Variants in ATAD2B observed in about 807,000 individuals in gnomAD.
ATAD2B encodes ATPase family AAA domain containing 2B, also known as ATPase family AAA domain-containing protein 2B.
In ATAD2B, 40 loss-of-function variants were observed where a neutral mutation model predicts 167.6. That is an observed-to-expected ratio of 0.24 (90% CI 0.19 to 0.31). The LOEUF is 0.31. Among genes scored for constraint, ATAD2B ranks in the 10% least tolerant of loss-of-function variants. The pLI is 1.00. For synonymous variants in ATAD2B, 579 were observed against 596.5 expected (o/e 0.97, Z 0.43); for missense variants, 1,242 against 1,757.2 (o/e 0.71, Z 5.24).
At chr2:23,805,820 C>T (rs1197592794) in intron 18 of ATAD2B, among the ~76,000 whole-genome samples, 1 of 89,558 alleles carries the variant, frequency 1.1e-5, no homozygotes, top group Non-Finnish European at 2.3e-5. Context: ...AAATCTGATA[C>T]TTTATTTTCA....
intron 22 of ATAD2B, among the ~76,000 whole-genome samples, chr2:23,782,118 A>G (rs2149388108): frequency 6.6e-6 from 1 of 152,294 alleles, no homozygotes; most frequent in Admixed American, 6.5e-5. Flanking sequence ...CACCCAGCCA[A>G]CTTCTGTTTC....
chr2:23,777,226 A>G (rs748337261), intron 22 of ATAD2B, among the ~76,000 whole-genome samples: 5 of 152,208 alleles, frequency 3.3e-5, no homozygotes, highest in Non-Finnish European at 7.3e-5. Flanking sequence ...TAGAACTGTG[A>G]GAAAATTAAT....
At chr2:23,768,915 G>A (rs1338879657) in intron 22 of ATAD2B, among the ~76,000 whole-genome samples, 2 of 152,140 alleles carry the variant, frequency 1.3e-5, no homozygotes, top group African/African-American at 4.8e-5. Context: ...ACATGCTGGT[G>A]GACATTAGTG....
chr2:23,693,393 G>C, the ATAD2B span: 2 of 1,551,758 alleles, frequency 1.3e-6, no homozygotes, highest in Non-Finnish European at 8.7e-7. Flanking sequence ...TGGCCGCCCA[G>C]GAGGAGATCC....
chr2:23,766,940 G>A (rs958113532), intron 22 of ATAD2B, among the ~76,000 whole-genome samples: 9 of 149,582 alleles, frequency 6.0e-5, no homozygotes, highest in African/African-American at 1.7e-4. Context: ...AAAACAACTA[G>A]TGCAGGTTCA....
chr2:23,811,886 A>C (rs1172523958), intron 17 of ATAD2B, among the ~76,000 whole-genome samples: 3 of 152,018 alleles, frequency 2.0e-5, no homozygotes, highest in Non-Finnish European at 4.4e-5. Context: ...ACTTCTTCCA[A>C]CACAAATTTT....
At chr2:23,793,830 C>T (rs1001781615) in intron 19 of ATAD2B, among the ~76,000 whole-genome samples, 2 of 151,974 alleles carry the variant, frequency 1.3e-5, no homozygotes, top group African/African-American at 4.8e-5. Flanking sequence ...GGTCTCAGGA[C>T]CCCAAAAAAG....
At chr2:23,872,399 C>T in intron 8 of ATAD2B, 1 of 698,406 alleles carries the variant, frequency 1.4e-6, no homozygotes, top group Admixed American at 1.8e-5. Context: ...TCCATGACAG[C>T]CTCTTCAGAG....
At chr2:23,742,447 C>G in the ATAD2B span, among the ~76,000 whole-genome samples, 117 of 151,062 alleles carry the variant, frequency 7.7e-4, 1 homozygote, top group African/African-American at 2.8e-3. Flanking sequence ...AGCAAACCAT[C>G]GCAAGGACAA....
chr2:23,730,360 A>T, the ATAD2B span, among the ~76,000 whole-genome samples: 1 of 152,178 alleles, frequency 6.6e-6, no homozygotes, highest in Non-Finnish European at 1.5e-5. Flanking sequence ...TCTGAACAGA[A>T]TGAAAATGAA....
intron 1 of ATAD2B, among the ~76,000 whole-genome samples, chr2:23,923,434 T>C (rs1006856764): frequency 6.6e-6 from 1 of 152,190 alleles, no homozygotes; most frequent in East Asian, 1.9e-4. Flanking sequence ...CTAAGAATAC[T>C]GTATTGCATA....
At chr2:23,737,170 T>C in the ATAD2B span, among the ~76,000 whole-genome samples, 1 of 152,184 alleles carries the variant, frequency 6.6e-6, no homozygotes, top group African/African-American at 2.4e-5. Context: ...CAGACTTAAA[T>C]GTCCCTCTTT....
chr2:23,858,466 G>A (rs940279273), intron 12 of ATAD2B, among the ~76,000 whole-genome samples: 3 of 147,640 alleles, frequency 2.0e-5, no homozygotes, highest in African/African-American at 2.5e-5. Flanking sequence ...AGTAATTTCC[G>A]TATACTTAAG....
chr2:23,832,193 T>C (rs1689169171), intron 14 of ATAD2B: 1 of 468,872 alleles, frequency 2.1e-6, no homozygotes, highest in Admixed American at 2.4e-5. Flanking sequence ...CCACTGTCTT[T>C]AGTTTTCCTC....
rs368329005 is a variant in ATAD2B at position 23,819,702 on chromosome 2, C to T, written c.2267+45G>A. The stretch of plus-strand genomic sequence containing the variant: ...TACCATAATTCTAATCATAAAGTAT[C>T]AAAAATCACTCTAAATACAAAGAAA... On this transcript the variant is annotated intron_variant, in intron 17 of 27. Coordinates refer to ENST00000238789, the MANE Select transcript of ATAD2B (RefSeq NM_017552.4). The T allele has an allele frequency of 8.4e-6, 12 of 1,433,006 alleles. No individual in the cohort carries two copies. In the South Asian group the frequency reaches 1.6e-4, roughly 19 times the overall value. 88.8% of individuals were successfully genotyped at this position (1,433,006 alleles called of 1,614,324 possible).
the ATAD2B span, among the ~76,000 whole-genome samples, chr2:23,718,529 G>GAA: frequency 6.6e-6 from 1 of 151,928 alleles, no homozygotes; most frequent in South Asian, 2.1e-4. Flanking sequence ...GACCAAGAGG[G>GAA]AAAAGGCTGT....
chr2:23,903,452 T>A (rs1348107690), intron 1 of ATAD2B, among the ~76,000 whole-genome samples: 1 of 152,178 alleles, frequency 6.6e-6, no homozygotes, highest in African/African-American at 2.4e-5. Flanking sequence ...CTTAAGCAAC[T>A]TTTTTAATTC....
chr2:23,754,417 G>A, intron 26 of ATAD2B, 110 bp from the exon 27 acceptor site: 1 of 1,244,278 alleles, frequency 8.0e-7, no homozygotes, highest in East Asian at 2.6e-5. Flanking sequence ...ATGTAACAGT[G>A]AACATGAAAT....
chr2:23,736,575 G>C, the ATAD2B span, among the ~76,000 whole-genome samples: 3 of 152,278 alleles, frequency 2.0e-5, no homozygotes, highest in African/African-American at 7.2e-5. Flanking sequence ...AGAGAAGATG[G>C]CCAAATAAGA....
Sources: gnomAD v4.1 joint callset for allele counts (sites outside exome capture counted in the v4.1 genomes callset) on GRCh38, gnomAD v4.1.1 for gene constraint, MANE v1.5 for transcripts, NCBI Gene and HGNC (gene_info 2026-07-23, HGNC 2026-07-21) for gene names.